CNTNAP2: variants seen among roughly 807,000 people sequenced by gnomAD.
CNTNAP2 encodes the protein contactin associated protein 2.
CNTNAP2 carries 98 observed loss-of-function variants against 155.2 expected under a neutral mutation model. The ratio of observed to expected loss-of-function variants is 0.63; its 90% confidence interval spans 0.54 to 0.75. CNTNAP2 has a LOEUF of 0.75. Among genes scored for constraint, CNTNAP2 ranks in the 30% least tolerant of loss-of-function variants. CNTNAP2 has a pLI of 0.00. For missense variants in CNTNAP2, 1,727 were observed against 1,688.1 expected (o/e 1.02, Z -0.40); for synonymous variants, 651 against 631.2 (o/e 1.03, Z -0.47).
At chr7:146,268,476 G>A (rs1391775537) in intron 1 of CNTNAP2, among the ~76,000 whole-genome samples, 4 of 152,114 alleles carry the variant, frequency 2.6e-5, no homozygotes, top group African/African-American at 9.7e-5. Flanking sequence ...ACAGTACCTG[G>A]ACCCAGCCCT....
At position 148,283,255 on chromosome 7, in the gene CNTNAP2, AAAAG is replaced by A. The variant is rs1199149066; in HGVS notation, c.3475+16178_3475+16181del. On this transcript the variant is annotated intron_variant, in intron 21 of 23. Coordinates refer to ENST00000361727, the MANE Select transcript of CNTNAP2 (RefSeq NM_014141.6). Reference sequence around the variant, plus strand: ...ACTCTGTCTCAAAAAAAAAAAAAAAAAAAGAAAGAAAGAAAGAAAGAAAGAAAGA... The same window carrying A: ...ACTCTGTCTCAAAAAAAAAAAAAAAAAAAGAAAGAAAGAAAGAAAGAAAGA... Among the ~76,000 whole-genome samples the A allele has an allele frequency of 5.3e-3, 337 of 63,612 alleles. 11 individuals carry two copies. Among genetic ancestry groups the A allele is most frequent in the African/African-American group, 0.018 (304 of 16,514 alleles). The allele number at this position is 63,612 out of a possible 152,430, so 41.7% of individuals were successfully genotyped here.
At chr7:147,508,632 G>A (rs1798958058) in intron 11 of CNTNAP2, among the ~76,000 whole-genome samples, 1 of 152,158 alleles carries the variant, frequency 6.6e-6, no homozygotes, top group African/African-American at 2.4e-5. Context: ...TTGAATTGTA[G>A]CTCCCATAAT....
At chr7:147,686,373 C>G (rs1020742344) in intron 13 of CNTNAP2, among the ~76,000 whole-genome samples, 1 of 152,008 alleles carries the variant, frequency 6.6e-6, no homozygotes, top group Non-Finnish European at 1.5e-5. Context: ...TAGCTCTAGA[C>G]TCTTGAAGTT....
intron 7 of CNTNAP2, among the ~76,000 whole-genome samples, chr7:147,130,122 A>T (rs1056018283): frequency 1.4e-4 from 21 of 152,128 alleles, no homozygotes; most frequent in African/African-American, 4.8e-4. Flanking sequence ...AGATAAAAAG[A>T]TAGATGTATA....
chr7:148,395,430 A>T (rs1315048814), intron 22 of CNTNAP2, among the ~76,000 whole-genome samples: 1 of 151,968 alleles, frequency 6.6e-6, no homozygotes, highest in Admixed American at 6.6e-5. Context: ...CACCCTCCAG[A>T]TGTAATTGAC....
At chr7:147,809,149 C>G (rs932809018) in intron 13 of CNTNAP2, among the ~76,000 whole-genome samples, 1 of 152,174 alleles carries the variant, frequency 6.6e-6, no homozygotes, top group East Asian at 1.9e-4. Context: ...TGGGACGAAC[C>G]TAGATGAGGT....
intron 10 of CNTNAP2, among the ~76,000 whole-genome samples, chr7:147,411,908 A>G (rs1797108773): frequency 2.0e-5 from 3 of 152,234 alleles, no homozygotes; most frequent in African/African-American, 7.2e-5. Context: ...AAATATAAAT[A>G]GTAAAAAAGT....
At chr7:146,450,202 C>A (rs1047565963) in intron 1 of CNTNAP2, among the ~76,000 whole-genome samples, 10 of 152,072 alleles carry the variant, frequency 6.6e-5, no homozygotes, top group Non-Finnish European at 1.5e-4. Flanking sequence ...TATCTTAAAG[C>A]CAATATTGCA....
chr7:146,509,985 G>A (rs1266262056), intron 1 of CNTNAP2, among the ~76,000 whole-genome samples: 2 of 152,120 alleles, frequency 1.3e-5, no homozygotes, highest in East Asian at 3.9e-4. Context: ...CCACACGGCT[G>A]ACCTAGGATC....
chr7:146,956,056 G>T (rs1161121608), intron 3 of CNTNAP2, among the ~76,000 whole-genome samples: 1 of 150,760 alleles, frequency 6.6e-6, no homozygotes, highest in Non-Finnish European at 1.5e-5. Context: ...TAGCACAAAT[G>T]ATTTTAAAAA....
At chr7:147,575,820 G>A (rs1393186158) in intron 12 of CNTNAP2, among the ~76,000 whole-genome samples, 1 of 151,806 alleles carries the variant, frequency 6.6e-6, no homozygotes, top group East Asian at 1.9e-4. Context: ...CTGTATGAGA[G>A]GTAATATGAT....
At chr7:146,180,025 A>G (rs1295491161) in intron 1 of CNTNAP2, among the ~76,000 whole-genome samples, 1 of 152,120 alleles carries the variant, frequency 6.6e-6, no homozygotes, top group Non-Finnish European at 1.5e-5. Context: ...ACAGGATTTC[A>G]CTCAAACATT....
At chr7:146,868,277 G>C (rs1258792939) in intron 3 of CNTNAP2, among the ~76,000 whole-genome samples, 2 of 151,838 alleles carry the variant, frequency 1.3e-5, no homozygotes, top group African/African-American at 2.4e-5. Flanking sequence ...TGAAGAGGGA[G>C]CCTTCCTCAT....
At chr7:147,988,956 G>A (rs140018853) in intron 15 of CNTNAP2, among the ~76,000 whole-genome samples, 2 of 152,158 alleles carry the variant, frequency 1.3e-5, no homozygotes, top group Admixed American at 1.3e-4. Flanking sequence ...TGAGAAAAAC[G>A]AGACATGGCT....
At chr7:147,120,328 T>A (rs1412687175) in intron 5 of CNTNAP2, among the ~76,000 whole-genome samples, 1 of 152,174 alleles carries the variant, frequency 6.6e-6, no homozygotes, top group East Asian at 1.9e-4. Flanking sequence ...GCAGGTACTA[T>A]TATCTTCCCT....
intron 3 of CNTNAP2, among the ~76,000 whole-genome samples, chr7:146,951,908 A>G (rs1797321319): frequency 1.3e-5 from 2 of 152,032 alleles, no homozygotes; most frequent in African/African-American, 2.4e-5. Context: ...CGCGATATTG[A>G]TTCTTCCTAT....
intron 14 of CNTNAP2, among the ~76,000 whole-genome samples, chr7:147,963,182 A>AT (rs529406957): frequency 5.3e-4 from 81 of 151,756 alleles, no homozygotes; most frequent in Non-Finnish European, 7.5e-4. Flanking sequence ...CTAGAGTTAG[A>AT]TTTTTTTTTG....
At chr7:147,111,280 TG>T (rs1800874100) in intron 5 of CNTNAP2, among the ~76,000 whole-genome samples, 2 of 152,234 alleles carry the variant, frequency 1.3e-5, no homozygotes, top group Middle Eastern at 3.2e-3. Context: ...CTTTGTCAGA[TG>T]GATAGATTGC....
chr7:147,924,143 C>CTTTTTTTTTTTTTTT (rs71527854), intron 14 of CNTNAP2, among the ~76,000 whole-genome samples: 7 of 123,494 alleles, frequency 5.7e-5, no homozygotes, highest in Non-Finnish European at 1.1e-4. Flanking sequence ...CTTTTCTTTT[C>CTTTTTTTTTTTTTTT]TTTTTTTTTT....
Sources: allele counts gnomAD v4.1 joint callset (sites outside exome capture counted in the v4.1 genomes callset), GRCh38; gene constraint gnomAD v4.1.1; transcripts MANE v1.5; gene names NCBI Gene and HGNC (gene_info 2026-07-23, HGNC 2026-07-21).